Variants in EIF4G3 observed in about 807,000 individuals in gnomAD.
EIF4G3 encodes the protein eIF-4-gamma 3.
A neutral mutation model predicts 186.4 loss-of-function variants in EIF4G3; 34 were observed. That is an observed-to-expected ratio of 0.18 (90% confidence interval 0.14 to 0.24). The LOEUF (loss-of-function observed/expected upper bound fraction) is 0.24. Among genes scored for constraint, EIF4G3 ranks in the 10% least tolerant of loss-of-function variants. EIF4G3 has a pLI of 1.00. For synonymous variants in EIF4G3, 673 were observed against 679.5 expected, an observed-to-expected ratio of 0.99 and a Z score of 0.15; for missense variants, 1,536 against 1,948.5, an observed-to-expected ratio of 0.79 and a Z score of 3.99.
chr1:21,135,108 G>A, intron 2 of EIF4G3, among the ~76,000 whole-genome samples: 1 of 152,168 alleles, frequency 6.6e-6, no homozygotes, highest in East Asian at 1.9e-4. Flanking sequence ...TTCATGAGAT[G>A]CAAATGCCTT....
At chr1:20,947,323 G>A (rs2154563040) in intron 13 of EIF4G3, among the ~76,000 whole-genome samples, 1 of 150,890 alleles carries the variant, frequency 6.6e-6, no homozygotes, top group Non-Finnish European at 1.5e-5. Context: ...CATCCTGGGT[G>A]ATAGAACGAA....
chr1:20,862,309 A>G lies in EIF4G3; in HGVS notation c.3030T>C (p.Asn1010=). The G allele has an allele frequency of 1.2e-6, 2 of 1,611,918 alleles. No homozygotes were observed. The highest frequency in any genetic ancestry group is 1.7e-6 in the Non-Finnish European group (2 of 1,178,654). Residue 1010 remains asparagine (N), a synonymous_variant, in exon 23 of 37, where the codon AAT becomes AAC. Transcript: ENST00000602326. ...TTTCTTTCACAATTTTCTCCATCTG[A>G]TTAAAGTACTGGTCCATACGTGGCT... ...KAKPRMDQYF[N]QMEKIVKERK...
intron 4 of EIF4G3, among the ~76,000 whole-genome samples, chr1:21,007,527 A>AAAAAAAAAAC (rs2085510860): frequency 1.5e-5 from 2 of 134,056 alleles, no homozygotes; most frequent in Non-Finnish European, 3.1e-5. Context: ...AAAAAAAAAA[A>AAAAAAAAAAC]AAAAAAAAAA....
intron 30 of EIF4G3, among the ~76,000 whole-genome samples, chr1:20,838,019 G>C (rs1052212749): frequency 2.6e-5 from 4 of 152,152 alleles, no homozygotes; most frequent in African/African-American, 9.7e-5. Context: ...GAAACATGAA[G>C]TAATTGCTGA....
intron 2 of EIF4G3, among the ~76,000 whole-genome samples, chr1:21,152,388 A>T (rs1189730281): frequency 6.6e-6 from 1 of 150,752 alleles, no homozygotes; most frequent in Non-Finnish European, 1.5e-5. Flanking sequence ...TTGGGTTCAC[A>T]AATTTGAAAA....
chr1:21,043,614 A>T (rs1489368837), intron 4 of EIF4G3, among the ~76,000 whole-genome samples: 1 of 152,196 alleles, frequency 6.6e-6, no homozygotes, highest in Non-Finnish European at 1.5e-5. Flanking sequence ...CACCTAGGCC[A>T]GGCACGGTGG....
At chr1:21,023,450 G>A (rs1422016930) in intron 4 of EIF4G3, among the ~76,000 whole-genome samples, 7 of 151,980 alleles carry the variant, frequency 4.6e-5, no homozygotes, top group Admixed American at 1.3e-4. Flanking sequence ...GGTGGAGACA[G>A]GGTTTCGCTG....
chr1:21,026,519 C>CAA (rs35267047), intron 4 of EIF4G3, among the ~76,000 whole-genome samples: 2 of 135,520 alleles, frequency 1.5e-5, no homozygotes, highest in Non-Finnish European at 3.2e-5. Flanking sequence ...AAGGCAGAAG[C>CAA]AAAAAAAAAA....
chr1:20,851,207 C>G, intron 28 of EIF4G3, 51 bp downstream of exon 28: 3 of 1,540,620 alleles, frequency 1.9e-6, no homozygotes, highest in Non-Finnish European at 2.7e-6. Context: ...TTTTATTTTT[C>G]CTTCCAAATT....
intron 7 of EIF4G3, 106 bp downstream of exon 7, chr1:20,997,495 A>G: frequency 9.3e-7 from 1 of 1,072,538 alleles, no homozygotes; most frequent in Admixed American, 2.0e-5. Context: ...TCTTGAAATG[A>G]GTAATTTGAG....
chr1:20,921,732 G>A (rs548552809), intron 14 of EIF4G3, among the ~76,000 whole-genome samples: 6 of 152,294 alleles, frequency 3.9e-5, no homozygotes, highest in South Asian at 4.1e-4. Flanking sequence ...AAAAGCCCCC[G>A]CTTAGCTAAA....
At chr1:20,976,874 T>G (rs1245495944) in intron 10 of EIF4G3, among the ~76,000 whole-genome samples, 2 of 152,108 alleles carry the variant, frequency 1.3e-5, no homozygotes, top group Non-Finnish European at 2.9e-5. Flanking sequence ...CCATCTCTAC[T>G]AAAGTACTAA....
intron 2 of EIF4G3, among the ~76,000 whole-genome samples, chr1:21,136,046 G>A (rs1353772267): frequency 2.6e-5 from 4 of 152,022 alleles, no homozygotes; most frequent in Admixed American, 1.3e-4. Context: ...AGCCGGGCAC[G>A]GTGGCGGGCG....
chr1:21,009,534 C>T (rs528352796), intron 4 of EIF4G3, among the ~76,000 whole-genome samples: 1 of 151,886 alleles, frequency 6.6e-6, no homozygotes, highest in Non-Finnish European at 1.5e-5. Flanking sequence ...GAGAGAAACT[C>T]GTTCACCTAA....
At chr1:20,831,276 T>TAA (rs143475971) in intron 30 of EIF4G3, among the ~76,000 whole-genome samples, 5 of 110,568 alleles carry the variant, frequency 4.5e-5, no homozygotes, top group Non-Finnish European at 6.1e-5. Context: ...AGAAAAATAT[T>TAA]AATTTTTTTT....
chr1:20,863,756 TAA>T (rs754346901), intron 22 of EIF4G3, among the ~76,000 whole-genome samples: 1 of 113,630 alleles, frequency 8.8e-6, no homozygotes, highest in Non-Finnish European at 1.9e-5. Flanking sequence ...CCCTGTTACT[TAA>T]AAAAAAAAAA....
chr1:20,942,596 T>A (rs1301484738), intron 13 of EIF4G3, among the ~76,000 whole-genome samples: 1 of 152,178 alleles, frequency 6.6e-6, no homozygotes, highest in East Asian at 1.9e-4. Flanking sequence ...AGAATACAAC[T>A]GAAAAGCTCA....
intron 12 of EIF4G3, among the ~76,000 whole-genome samples, chr1:20,952,220 C>T (rs1414100651): frequency 6.7e-6 from 1 of 148,928 alleles, no homozygotes; most frequent in African/African-American, 2.5e-5. Flanking sequence ...AGTGGCACAA[C>T]CTTGGCTTAC....
chr1:21,155,700 A>C (rs889288351), intron 2 of EIF4G3, among the ~76,000 whole-genome samples: 2 of 152,222 alleles, frequency 1.3e-5, no homozygotes, highest in Non-Finnish European at 1.5e-5. Context: ...CCATCTAAAA[A>C]ATAAATAAAT....
Sources: gnomAD v4.1 joint callset for allele counts (sites outside exome capture counted in the v4.1 genomes callset) on GRCh38, gnomAD v4.1.1 for gene constraint, MANE v1.5 for transcripts, NCBI Gene and HGNC (gene_info 2026-07-23, HGNC 2026-07-21) for gene names.